SLC25A48: variants seen among roughly 807,000 people sequenced by gnomAD.
The protein encoded by SLC25A48 is CTC-321K16.1.
In SLC25A48, 29 loss-of-function variants were observed where a neutral mutation model predicts 32.2. The ratio of observed to expected loss-of-function variants is 0.90; its 90% confidence interval spans 0.67 to 1.23. The LOEUF (loss-of-function observed/expected upper bound fraction) is 1.23. Among genes scored for constraint, SLC25A48 ranks in the 50% most tolerant of loss-of-function variants. SLC25A48 has a pLI of 0.00. For synonymous variants in SLC25A48, 164 were observed against 172.3 expected (o/e 0.95, Z 0.38); for missense variants, 399 against 422.7 (o/e 0.94, Z 0.49).
chr5:135,632,866 G>A (rs942964343), intron 2 of SLC25A48, among the ~76,000 whole-genome samples: 1 of 152,146 alleles, frequency 6.6e-6, no homozygotes, highest in Non-Finnish European at 1.5e-5. Context: ...GGTATTGATA[G>A]GCTGTGTACC....
chr5:135,677,489 G>GACACA (rs1753799186), intron 3 of SLC25A48, among the ~76,000 whole-genome samples: 2 of 151,936 alleles, frequency 1.3e-5, no homozygotes, highest in Non-Finnish European at 1.5e-5. Context: ...ATTGTTGTCT[G>GACACA]GTTGTTTTGT....
chr5:135,607,772 ACAGGGGC>A (rs1751971546), intron 1 of SLC25A48, among the ~76,000 whole-genome samples: 1 of 152,208 alleles, frequency 6.6e-6, no homozygotes. Context: ...GGTGACTTCA[ACAGGGGC>A]CCATTTTTAC....
At chr5:135,856,604 A>G (rs952967185) in intron 4 of SLC25A48, among the ~76,000 whole-genome samples, 8 of 152,240 alleles carry the variant, frequency 5.3e-5, no homozygotes, top group African/African-American at 1.9e-4. Flanking sequence ...GCTCATGGCC[A>G]CTGCAGCACG....
At chr5:135,763,344 C>T (rs1362466840) in intron 3 of SLC25A48, among the ~76,000 whole-genome samples, 1 of 152,096 alleles carries the variant, frequency 6.6e-6, no homozygotes, top group Non-Finnish European at 1.5e-5. Context: ...CCTGCCATGG[C>T]AGAGCCTCCT....
At chr5:135,797,374 G>A (rs1757212139) in intron 3 of SLC25A48, among the ~76,000 whole-genome samples, 3 of 152,000 alleles carry the variant, frequency 2.0e-5, no homozygotes, top group South Asian at 2.1e-4. Context: ...TTCTAATATC[G>A]TGAGGGAGAG....
At chr5:135,703,731 GC>G (rs1185007471) in intron 3 of SLC25A48, among the ~76,000 whole-genome samples, 1 of 152,182 alleles carries the variant, frequency 6.6e-6, no homozygotes, top group Non-Finnish European at 1.5e-5. Context: ...TCAGTGACTG[GC>G]CCTGCCAGAC....
At chr5:135,859,999 G>T (rs1411743821) in intron 4 of SLC25A48, among the ~76,000 whole-genome samples, 1 of 152,108 alleles carries the variant, frequency 6.6e-6, no homozygotes, top group Non-Finnish European at 1.5e-5. Context: ...TACCTTAGCA[G>T]AATTCAGGCT....
At position 135,780,590 on chromosome 5, in the gene SLC25A48, G is replaced by A. The variant is rs776733036; in HGVS notation, c.-520-31933G>A. Among the ~76,000 whole-genome samples, 5 of 115,950 alleles carry A rather than the reference G, an allele frequency of 4.3e-5. 2 individuals are homozygous for A. The highest frequency in any genetic ancestry group is 1.8e-4 in the Admixed American group (2 of 11,386). The allele number at this position is 115,950 out of a possible 152,430, so 76.1% of individuals were successfully genotyped here. A position where few individuals can be genotyped will look rare whatever the true frequency, so the allele number is the denominator to read the frequency against. Reference sequence around the variant, plus strand: ...AGAGGATGATATTACTCTCAATATCGCAGGTGGCATATAACCCCTCTGTGA... The same window carrying A: ...AGAGGATGATATTACTCTCAATATCACAGGTGGCATATAACCCCTCTGTGA... On this transcript the variant is annotated intron_variant, in intron 3 of 10. Transcript: ENST00000646290.
intron 3 of SLC25A48, among the ~76,000 whole-genome samples, chr5:135,734,555 C>T (rs993846478): frequency 3.3e-5 from 5 of 151,572 alleles, no homozygotes; most frequent in Admixed American, 6.6e-5. Context: ...GGGCCGGGTG[C>T]GGTGGCTCAC....
chr5:135,603,466 G>T (rs986226961), intron 1 of SLC25A48, among the ~76,000 whole-genome samples: 2 of 152,242 alleles, frequency 1.3e-5, no homozygotes, highest in African/African-American at 4.8e-5. Flanking sequence ...TTCAGCCTGA[G>T]GGCTGAGTAG....
chr5:135,708,950 T>C (rs1165908636), intron 3 of SLC25A48, among the ~76,000 whole-genome samples: 2 of 152,230 alleles, frequency 1.3e-5, no homozygotes, highest in African/African-American at 4.8e-5. Context: ...TGCTTAAAGT[T>C]AGTAAAATGC....
At chr5:135,652,988 C>G (rs545081394) in intron 3 of SLC25A48, among the ~76,000 whole-genome samples, 5 of 152,302 alleles carry the variant, frequency 3.3e-5, no homozygotes, top group African/African-American at 9.6e-5. Flanking sequence ...TTAACACCAT[C>G]ATAAAAGGGC....
At chr5:135,739,791 T>C (rs1257612095) in intron 3 of SLC25A48, among the ~76,000 whole-genome samples, 1 of 151,994 alleles carries the variant, frequency 6.6e-6, no homozygotes, top group Non-Finnish European at 1.5e-5. Context: ...TTTTTTTTTT[T>C]AAACTACCAC....
chr5:135,646,671 A>G (rs1260710836), intron 3 of SLC25A48, among the ~76,000 whole-genome samples: 1 of 146,420 alleles, frequency 6.8e-6, no homozygotes, highest in African/African-American at 2.5e-5. Context: ...ATATATATAT[A>G]TATATATACA....
At chr5:135,851,849 C>A (rs1759894458) in intron 3 of SLC25A48, among the ~76,000 whole-genome samples, 1 of 152,102 alleles carries the variant, frequency 6.6e-6, no homozygotes, top group African/African-American at 2.4e-5. Flanking sequence ...GGGACCGAAC[C>A]CGGCCTGCAG....
At chr5:135,704,038 C>T (rs1754453694) in intron 3 of SLC25A48, among the ~76,000 whole-genome samples, 1 of 152,182 alleles carries the variant, frequency 6.6e-6, no homozygotes. Flanking sequence ...TCAATTTGGA[C>T]CATTCAGTTA....
At position 135,871,722 on chromosome 5, in the gene SLC25A48, A is replaced by G. The variant is rs772464283; in HGVS notation, c.679+4A>G. ...TGGCTGGCGGGCGGCATGGCAGGTA[A>G]GGGCAGCAGCAGCTGGAGCCGCACC... On this transcript the variant is annotated splice_donor_region_variant and intron_variant, in intron 5 of 7. Coordinates refer to ENST00000681962, the MANE Select transcript of SLC25A48 (RefSeq NM_001349336.2). 2 of 1,612,794 alleles carry G rather than the reference A, an allele frequency of 1.2e-6. No homozygotes were observed. The highest frequency in any genetic ancestry group is 3.3e-5 in the Admixed American group (2 of 59,936).
intron 3 of SLC25A48, among the ~76,000 whole-genome samples, chr5:135,645,955 G>A (rs1361941858): frequency 2.6e-5 from 4 of 152,282 alleles, no homozygotes; most frequent in Admixed American, 1.3e-4. Context: ...GCATTGATGG[G>A]CATGACCAGG....
chr5:135,642,365 C>T (rs1444464247), intron 3 of SLC25A48, among the ~76,000 whole-genome samples: 1 of 152,182 alleles, frequency 6.6e-6, no homozygotes, highest in Non-Finnish European at 1.5e-5. Flanking sequence ...GGAAGGAGCC[C>T]TTTGGCATGG....
Sources: allele counts gnomAD v4.1 joint callset (sites outside exome capture counted in the v4.1 genomes callset), GRCh38; gene constraint gnomAD v4.1.1; transcripts MANE v1.5; gene names NCBI Gene and HGNC (gene_info 2026-07-23, HGNC 2026-07-21).